DNM3: variants seen among roughly 807,000 people sequenced by gnomAD.
DNM3 encodes the protein dynamin 3, also known as dynamin-3.
A neutral mutation model predicts 101.6 loss-of-function variants in DNM3; 47 were observed. That is an observed-to-expected ratio of 0.46 (90% CI 0.37 to 0.59). DNM3 has a LOEUF of 0.59. DNM3 is among the 20% of genes least tolerant of loss of function. The pLI is 0.00. For missense variants in DNM3, 849 were observed against 1,085.7 expected, an observed-to-expected ratio of 0.78 and a Z score of 3.06; for synonymous variants, 385 against 387.9, an observed-to-expected ratio of 0.99 and a Z score of 0.09.
intron 1 of DNM3, among the ~76,000 whole-genome samples, chr1:171,913,513 C>T (rs754756123): frequency 1.3e-5 from 2 of 152,160 alleles, no homozygotes; most frequent in Non-Finnish European, 2.9e-5. Flanking sequence ...ATTACTTCCT[C>T]TAGCGATTAA....
intron 10 of DNM3, among the ~76,000 whole-genome samples, chr1:172,058,962 G>A (rs1320442415): frequency 2.0e-5 from 3 of 151,866 alleles, no homozygotes; most frequent in Admixed American, 6.6e-5. Context: ...ACTAATAAAG[G>A]AGAAAAGAAA....
chr1:172,128,010 T>C (rs928252994), intron 13 of DNM3, among the ~76,000 whole-genome samples: 2 of 152,190 alleles, frequency 1.3e-5, no homozygotes, highest in South Asian at 4.1e-4. Flanking sequence ...TCATATCCCT[T>C]TCTTGCTGAA....
intron 15 of DNM3, among the ~76,000 whole-genome samples, chr1:172,273,722 A>G (rs988195308): frequency 1.3e-5 from 2 of 152,104 alleles, no homozygotes; most frequent in Admixed American, 1.3e-4. Context: ...TCCCTTTTTG[A>G]TAAACTTCTC....
In DNM3 at chr1:172,408,399, C is replaced by T. The variant is rs2071037547; in HGVS notation, c.*558C>T. On this transcript the variant is annotated 3_prime_UTR_variant, in exon 21 of 21. Transcript: ENST00000627582. ...TAGGACTCCTTAAGAATAAACTTTT[C>T]CAGAAGCACGAGGTAGTTTGCAAAG... The T allele has an allele frequency of 1.0e-6, 1 of 985,712 alleles. No homozygotes were observed. The highest frequency in any genetic ancestry group is 1.2e-6 in the Non-Finnish European group (1 of 830,244). 61.1% of individuals were successfully genotyped at this position (985,712 alleles called of 1,614,324 possible).
At chr1:171,998,713 CA>C (rs1342891524) in intron 4 of DNM3, among the ~76,000 whole-genome samples, 1 of 152,038 alleles carries the variant, frequency 6.6e-6, no homozygotes, top group Non-Finnish European at 1.5e-5. Context: ...AAAAATGAAA[CA>C]GAATACGGGA....
At chr1:171,921,123 T>C (rs1459523602) in intron 1 of DNM3, among the ~76,000 whole-genome samples, 4 of 151,796 alleles carry the variant, frequency 2.6e-5, no homozygotes, top group South Asian at 2.1e-4. Flanking sequence ...TTTTCTTTTT[T>C]TTTTTGTAGC....
chr1:172,212,811 A>C lies in DNM3; in HGVS notation c.1660-40762A>C, dbSNP rs142125487. Among the ~76,000 whole-genome samples, 1,004 of 152,250 alleles carry C rather than the reference A, an allele frequency of 6.6e-3. 14 individuals carry two copies. The highest frequency in any genetic ancestry group is 0.023 in the African/African-American group (954 of 41,556). On this transcript the variant is annotated intron_variant, in intron 14 of 20. Transcript: ENST00000627582. The stretch of plus-strand genomic sequence containing the variant: ...CAGAAACAGTAAAGATGAAAGGTGA[A>C]AGCTCCCATAGTAGGACCAGTACTG...
At chr1:172,248,074 C>A (rs2062028665) in intron 14 of DNM3, among the ~76,000 whole-genome samples, 1 of 152,234 alleles carries the variant, frequency 6.6e-6, no homozygotes, top group South Asian at 2.1e-4. Context: ...GGAGCAGAAT[C>A]TATGCTTTTT....
At chr1:171,912,728 C>T (rs111610365) in intron 1 of DNM3, among the ~76,000 whole-genome samples, 2,614 of 152,268 alleles carry the variant, frequency 0.017, 75 homozygotes, top group African/African-American at 0.058. Context: ...TGTGGACACC[C>T]CATTTGCAAG....
At chr1:172,207,426 G>C (rs1177533595) in intron 14 of DNM3, among the ~76,000 whole-genome samples, 1 of 152,000 alleles carries the variant, frequency 6.6e-6, no homozygotes, top group Non-Finnish European at 1.5e-5. Context: ...ATTTTCATGG[G>C]AACTTAATTG....
At chr1:172,020,698 T>C (rs1463897863) in intron 4 of DNM3, among the ~76,000 whole-genome samples, 1 of 117,888 alleles carries the variant, frequency 8.5e-6, no homozygotes, top group Non-Finnish European at 1.6e-5. Context: ...CACTCCAGCC[T>C]GGGCGACAGT....
At chr1:172,265,448 G>A (rs184471658) in intron 15 of DNM3, among the ~76,000 whole-genome samples, 24 of 152,124 alleles carry the variant, frequency 1.6e-4, no homozygotes, top group African/African-American at 4.6e-4. Context: ...ATAAACTCCC[G>A]GTAAGAATAC....
In DNM3 at chr1:172,149,057, C is replaced by T. The variant is rs571407311; in HGVS notation, c.1659+17769C>T. Among the ~76,000 whole-genome samples the T allele has an allele frequency of 2.9e-3, 441 of 152,250 alleles. 2 individuals are homozygous for T. The highest frequency in any genetic ancestry group is 5.4e-3 in the Non-Finnish European group (370 of 67,998). On this transcript the variant is annotated intron_variant, in intron 14 of 20. Coordinates refer to ENST00000627582, the MANE Select transcript of DNM3 (RefSeq NM_015569.5). ...AAATCAGAAAGCTATAAATCATAAA[C>T]TTAATGCAACTGATTTTACAGTCTT...
intron 18 of DNM3, among the ~76,000 whole-genome samples, chr1:172,380,026 A>G (rs576986528): frequency 1.3e-5 from 2 of 152,158 alleles, no homozygotes; most frequent in East Asian, 3.9e-4. Flanking sequence ...ATCCAATGAT[A>G]AATTATGAGC....
At chr1:172,114,527 C>A (rs1436561376) in intron 13 of DNM3, among the ~76,000 whole-genome samples, 2 of 152,190 alleles carry the variant, frequency 1.3e-5, no homozygotes, top group Non-Finnish European at 2.9e-5. Flanking sequence ...GGCAAGAGTA[C>A]AAAGGAAATA....
chr1:171,904,153 GA>G (rs35034472), intron 1 of DNM3, among the ~76,000 whole-genome samples: 315 of 135,350 alleles, frequency 2.3e-3, no homozygotes, highest in East Asian at 3.3e-3. Flanking sequence ...TCAAAAAATA[GA>G]AAAAAAAAAA....
chr1:172,142,155 A>G (rs962990537), intron 14 of DNM3: 1 of 152,156 alleles, frequency 6.6e-6, no homozygotes, highest in African/African-American at 2.4e-5. Context: ...ATCCAGGGGT[A>G]GTTTTAGTTG....
chr1:172,001,576 T>C lies in DNM3; in HGVS notation c.589+12428T>C, dbSNP rs1187525678. Reference sequence around the variant, plus strand: ...AGGCCTCGCTAGGGAGGCAAATGTGTCTGGAAATCCCTTTCACGGTGATTT... The same window carrying C: ...AGGCCTCGCTAGGGAGGCAAATGTGCCTGGAAATCCCTTTCACGGTGATTT... On this transcript the variant is annotated intron_variant, in intron 4 of 20. Transcript: ENST00000627582. Among the ~76,000 whole-genome samples the C allele has an allele frequency of 3.3e-5, 5 of 151,988 alleles. 1 individual carries two copies. Among genetic ancestry groups the C allele is most frequent in the Admixed American group, 3.3e-4 (5 of 15,240 alleles).
intron 15 of DNM3, among the ~76,000 whole-genome samples, chr1:172,276,286 A>C (rs2063283383): frequency 6.6e-6 from 1 of 152,014 alleles, no homozygotes; most frequent in Non-Finnish European, 1.5e-5. Context: ...GAATGATGTC[A>C]TAGAAGAGAG....
Sources: allele counts gnomAD v4.1 joint callset (sites outside exome capture counted in the v4.1 genomes callset), GRCh38; gene constraint gnomAD v4.1.1; transcripts MANE v1.5; gene names NCBI Gene and HGNC (gene_info 2026-07-23, HGNC 2026-07-21).